Variants in CCDC91 observed in about 807,000 individuals in gnomAD.
CCDC91 encodes the protein coiled-coil domain-containing protein 91.
A neutral mutation model predicts 63.2 loss-of-function variants in CCDC91; 48 were observed. That is an observed-to-expected ratio of 0.76 (90% CI 0.60 to 0.97). The LOEUF is 0.97. Among genes scored for constraint, CCDC91 ranks in the 50% least tolerant of loss-of-function variants. The probability of loss-of-function intolerance (pLI) is 0.00; values close to 1 mark genes in which losing one functional copy is unlikely to be tolerated. For missense variants in CCDC91, 500 were observed against 494.6 expected (o/e 1.01, Z -0.10); for synonymous variants, 167 against 165.8 (o/e 1.01, Z -0.06).
At chr12:28,237,616 T>TCTCC (rs1174546283) in intron 1 of CCDC91, among the ~76,000 whole-genome samples, 1 of 152,192 alleles carries the variant, frequency 6.6e-6, no homozygotes, top group Non-Finnish European at 1.5e-5. Context: ...GGGCATGGAT[T>TCTCC]CTCCCCTAGA....
chr12:28,313,100 A>AT (rs907618179), intron 6 of CCDC91, among the ~76,000 whole-genome samples: 1 of 151,970 alleles, frequency 6.6e-6, no homozygotes, highest in Admixed American at 6.6e-5. Flanking sequence ...GAATATGGCA[A>AT]TTTTTTAATA....
At chr12:28,546,264 A>G (rs1942983003) in intron 12 of CCDC91, among the ~76,000 whole-genome samples, 1 of 152,072 alleles carries the variant, frequency 6.6e-6, no homozygotes, top group Admixed American at 6.6e-5. Context: ...TTTTGTGCCT[A>G]TGATAAAAGA....
intron 12 of CCDC91, among the ~76,000 whole-genome samples, chr12:28,540,341 C>A (rs1183492087): frequency 6.6e-6 from 1 of 152,096 alleles, no homozygotes; most frequent in Non-Finnish European, 1.5e-5. Flanking sequence ...ATAAAGAAAT[C>A]TGTCTGAATC....
At chr12:28,512,303 C>G (rs1939461885) in intron 12 of CCDC91, among the ~76,000 whole-genome samples, 1 of 151,832 alleles carries the variant, frequency 6.6e-6, no homozygotes, top group South Asian at 2.1e-4. Flanking sequence ...GGAAAAACAC[C>G]TTAAATCAGC....
At chr12:28,436,925 C>G (rs1367369195) in intron 8 of CCDC91, among the ~76,000 whole-genome samples, 1 of 151,712 alleles carries the variant, frequency 6.6e-6, no homozygotes, top group Non-Finnish European at 1.5e-5. Flanking sequence ...AATTGTACAG[C>G]TGCTGTTAAT....
intron 8 of CCDC91, among the ~76,000 whole-genome samples, chr12:28,434,755 G>C (rs2140130754): frequency 6.6e-6 from 1 of 151,420 alleles, no homozygotes; most frequent in Middle Eastern, 3.4e-3. Context: ...AAACCCATCT[G>C]AAGTTGGTGC....
At chr12:28,477,835 C>T (rs912621062) in intron 11 of CCDC91, among the ~76,000 whole-genome samples, 82 of 151,966 alleles carry the variant, frequency 5.4e-4, no homozygotes, top group Non-Finnish European at 9.3e-4. Flanking sequence ...AAACAGAGAG[C>T]CAAATCATGA....
chr12:28,406,810 A>ATTTTTTTTTTTTT (rs375722489), intron 8 of CCDC91, among the ~76,000 whole-genome samples: 7 of 148,088 alleles, frequency 4.7e-5, no homozygotes, highest in Admixed American at 1.3e-4. Context: ...GATTTTAACT[A>ATTTTTTTTTTTTT]TTTTTTTTTG....
intron 6 of CCDC91, among the ~76,000 whole-genome samples, chr12:28,332,239 A>C (rs1034921810): frequency 8.5e-5 from 13 of 152,174 alleles, no homozygotes; most frequent in African/African-American, 3.1e-4. Context: ...AGGACAAAAA[A>C]ATCAGTAAAT....
At chr12:28,547,858 A>G (rs953373071) in intron 12 of CCDC91, among the ~76,000 whole-genome samples, 4 of 152,152 alleles carry the variant, frequency 2.6e-5, no homozygotes, top group African/African-American at 9.7e-5. Context: ...GTATACTTTA[A>G]TGAGAATTAT....
chr12:28,386,938 T>C (rs1192666151), intron 7 of CCDC91, among the ~76,000 whole-genome samples: 3 of 152,324 alleles, frequency 2.0e-5, no homozygotes, highest in East Asian at 3.9e-4. Flanking sequence ...TATTCTTTCA[T>C]ATATCTTTTT....
intron 6 of CCDC91, among the ~76,000 whole-genome samples, chr12:28,356,408 A>G (rs1330478168): frequency 1.3e-5 from 2 of 152,126 alleles, no homozygotes; most frequent in Admixed American, 6.6e-5. Flanking sequence ...ATTTATAATT[A>G]GGCCATTTAG....
chr12:28,223,929 T>G (rs1944107695), intron 1 of CCDC91, among the ~76,000 whole-genome samples: 2 of 152,176 alleles, frequency 1.3e-5, no homozygotes, highest in African/African-American at 4.8e-5. Flanking sequence ...ATGTTTGCAG[T>G]GTTTCCTTGG....
At chr12:28,537,075 C>G (rs1942234404) in intron 12 of CCDC91, among the ~76,000 whole-genome samples, 1 of 151,946 alleles carries the variant, frequency 6.6e-6, no homozygotes, top group Non-Finnish European at 1.5e-5. Flanking sequence ...TTTTTCAGGA[C>G]CTGAGTTAAA....
chr12:28,303,629 C>T (rs1938328207), intron 3 of CCDC91, among the ~76,000 whole-genome samples: 1 of 152,082 alleles, frequency 6.6e-6, no homozygotes, highest in Non-Finnish European at 1.5e-5. Flanking sequence ...TTTAAACATA[C>T]TTGCTCAATA....
chr12:28,192,751 C>CT lies in CCDC91; in HGVS notation c.-15+2117dup, dbSNP rs557911330. ...ATATTTTTAAAAAGGGCATATGTTG[C>CT]TTTTTTTAAAAAAAATCAAGTTTTA... is the stretch of plus-strand genomic sequence containing the variant. On this transcript the variant is annotated intron_variant, in intron 1 of 12. Transcript: ENST00000536442. Among the ~76,000 whole-genome samples, 31 of 151,980 alleles carry CT rather than the reference C, an allele frequency of 2.0e-4. No individual in the cohort carries two copies. The East Asian group carries it at 2.5e-3, about 12-fold the overall frequency.
chr12:28,254,504 G>A (rs1565678117), intron 1 of CCDC91, among the ~76,000 whole-genome samples: 1 of 151,964 alleles, frequency 6.6e-6, no homozygotes, highest in Non-Finnish European at 1.5e-5. Flanking sequence ...ACATAAATAA[G>A]CCCACATTTG....
At chr12:28,459,781 C>T (rs11049628) in intron 11 of CCDC91, among the ~76,000 whole-genome samples, 31,729 of 152,072 alleles carry the variant, frequency 0.21, 4,340 homozygotes, top group Non-Finnish European at 0.31. Flanking sequence ...TACACTCTCT[C>T]TCACTGGTCA....
At chr12:28,476,379 TA>T (rs1951093753) in intron 11 of CCDC91, among the ~76,000 whole-genome samples, 1 of 152,018 alleles carries the variant, frequency 6.6e-6, no homozygotes, top group African/African-American at 2.4e-5. Context: ...GAATACTGGG[TA>T]ATGAAATGAA....
Sources: allele counts gnomAD v4.1 joint callset (sites outside exome capture counted in the v4.1 genomes callset), GRCh38; gene constraint gnomAD v4.1.1; transcripts MANE v1.5; gene names NCBI Gene and HGNC (gene_info 2026-07-23, HGNC 2026-07-21).